The following LSAMP variants were observed in gnomAD, a reference collection of about 807,000 sequenced individuals.
LSAMP encodes the protein limbic system-associated membrane protein.
A neutral mutation model predicts 38.6 loss-of-function variants in LSAMP; 7 were observed. The observed-to-expected ratio is 0.18, with a 90% CI of 0.10 to 0.34. The LOEUF (loss-of-function observed/expected upper bound fraction) is 0.34. Ranked by LOEUF, LSAMP falls within the 10% of genes least tolerant of loss-of-function variation. The probability of loss-of-function intolerance (pLI) is 1.00; values close to 1 mark genes in which losing one functional copy is unlikely to be tolerated. For synonymous variants in LSAMP, 154 were observed against 166.8 expected (o/e 0.92, Z 0.59); for missense variants, 313 against 420.0 (o/e 0.75, Z 2.23).
At chr3:116,252,412 T>C (rs566394111) in intron 1 of LSAMP, among the ~76,000 whole-genome samples, 1 of 152,346 alleles carries the variant, frequency 6.6e-6, no homozygotes, top group South Asian at 2.1e-4. Flanking sequence ...CCAGTCATAA[T>C]AGAATTGGCT....
chr3:115,968,636 G>T (rs758057531), intron 3 of LSAMP, among the ~76,000 whole-genome samples: 1 of 152,174 alleles, frequency 6.6e-6, no homozygotes, highest in Non-Finnish European at 1.5e-5. Context: ...CTCTCCCAGA[G>T]CTGTGAGCTG....
At chr3:116,263,510 C>G (rs2046854807) in intron 1 of LSAMP, among the ~76,000 whole-genome samples, 1 of 150,426 alleles carries the variant, frequency 6.6e-6, no homozygotes, top group Admixed American at 6.6e-5. Flanking sequence ...TGCACTCCAG[C>G]CTGAGTGACA....
At chr3:116,237,440 CA>C (rs1321610139) in intron 1 of LSAMP, among the ~76,000 whole-genome samples, 1 of 152,050 alleles carries the variant, frequency 6.6e-6, no homozygotes, top group East Asian at 1.9e-4. Context: ...AATCAGGAGA[CA>C]AAAAATGAGC....
At chr3:115,838,734 T>G (rs907663946) in intron 6 of LSAMP, among the ~76,000 whole-genome samples, 17 of 152,202 alleles carry the variant, frequency 1.1e-4, no homozygotes, top group African/African-American at 4.1e-4. Flanking sequence ...CAATGTATTC[T>G]TACACCCTCA....
chr3:115,992,490 G>A (rs1453617012), intron 3 of LSAMP, among the ~76,000 whole-genome samples: 1 of 151,956 alleles, frequency 6.6e-6, no homozygotes, highest in African/African-American at 2.4e-5. Context: ...CTATTATCGG[G>A]GTTAAACCAG....
At chr3:116,339,464 G>A (rs1046477949) in intron 1 of LSAMP, among the ~76,000 whole-genome samples, 8 of 151,504 alleles carry the variant, frequency 5.3e-5, no homozygotes, top group Non-Finnish European at 1.0e-4. Context: ...AGCCACTAAT[G>A]AAGTTTTTTT....
At chr3:115,899,751 A>G (rs986158816) in intron 3 of LSAMP, among the ~76,000 whole-genome samples, 1 of 152,170 alleles carries the variant, frequency 6.6e-6, no homozygotes, top group African/African-American at 2.4e-5. Context: ...AACAATCTAG[A>G]TTCTTAAATA....
intron 1 of LSAMP, among the ~76,000 whole-genome samples, chr3:116,339,581 A>C: frequency 6.6e-6 from 1 of 151,920 alleles, no homozygotes; most frequent in East Asian, 1.9e-4. Context: ...ACCTGGACTA[A>C]ACTTAGGGAA....
chr3:116,213,772 G>A (rs745630241), intron 1 of LSAMP, among the ~76,000 whole-genome samples: 1 of 152,182 alleles, frequency 6.6e-6, no homozygotes, highest in Non-Finnish European at 1.5e-5. Context: ...AATGGATCTT[G>A]AGGACACTAT....
At chr3:116,078,277 C>CATTTATTTATTTATTTATTTA (rs149090036) in intron 2 of LSAMP, among the ~76,000 whole-genome samples, 12 of 150,088 alleles carry the variant, frequency 8.0e-5, no homozygotes, top group African/African-American at 2.9e-4. Flanking sequence ...TTTATATCCT[C>CATTTATTTATTTATTTATTTA]TTTATTTATT....
chr3:116,071,907 T>G (rs1222278382), intron 2 of LSAMP, among the ~76,000 whole-genome samples: 1 of 152,000 alleles, frequency 6.6e-6, no homozygotes, highest in Non-Finnish European at 1.5e-5. Context: ...GGTCCATTCA[T>G]ATCCCTGCAA....
intron 2 of LSAMP, among the ~76,000 whole-genome samples, chr3:116,024,381 T>C (rs1940728529): frequency 6.6e-6 from 1 of 152,214 alleles, no homozygotes; most frequent in East Asian, 1.9e-4. Context: ...AGTTTTCATT[T>C]TGAACCAGTA....
chr3:116,249,041 C>T (rs536330146), intron 1 of LSAMP, among the ~76,000 whole-genome samples: 5 of 150,660 alleles, frequency 3.3e-5, no homozygotes, highest in African/African-American at 1.2e-4. Flanking sequence ...CCCAGCTACT[C>T]GGGTGGCTGA....
Position 116,121,992 on chromosome 3 carries a change from T to C in LSAMP, c.156-35436A>G, listed in dbSNP as rs377592704. ...AATATGTCCCAGAGAAGCCAAAAGA[T>C]TGGCCACCCCTGTTCTAGAGTCTGT... On this transcript the variant is annotated intron_variant, in intron 1 of 6. Transcript: ENST00000490035. 5.9e-5 allele frequency among the ~76,000 whole-genome samples: 9 copies of C among 151,784 alleles called. No homozygotes were observed. The East Asian group carries it at 9.7e-4, about 16-fold the overall frequency.
At chr3:116,292,417 A>G (rs1267562024) in intron 1 of LSAMP, among the ~76,000 whole-genome samples, 1 of 152,186 alleles carries the variant, frequency 6.6e-6, no homozygotes, top group South Asian at 2.1e-4. Context: ...GACATTGTAT[A>G]AATGTGTGCT....
intron 1 of LSAMP, among the ~76,000 whole-genome samples, chr3:116,208,911 G>A (rs2046110681): frequency 6.6e-6 from 1 of 152,230 alleles, no homozygotes; most frequent in Non-Finnish European, 1.5e-5. Context: ...GCCTCCTTGA[G>A]CTGTGGTGGG....
intron 1 of LSAMP, among the ~76,000 whole-genome samples, chr3:116,318,176 C>T (rs1171786810): frequency 6.6e-6 from 1 of 151,190 alleles, no homozygotes; most frequent in East Asian, 1.9e-4. Context: ...ACAACGTGCA[C>T]TCTTATCTCT....
chr3:116,251,044 G>T (rs2046675089), intron 1 of LSAMP, among the ~76,000 whole-genome samples: 1 of 152,188 alleles, frequency 6.6e-6, no homozygotes, highest in Admixed American at 6.5e-5. Context: ...CTGTCCATGT[G>T]CCCACCTTGT....
chr3:116,053,776 T>A (rs944069107), intron 2 of LSAMP, among the ~76,000 whole-genome samples: 2 of 152,176 alleles, frequency 1.3e-5, no homozygotes, highest in Admixed American at 1.3e-4. Context: ...GCCATTCAAG[T>A]CTTTTTGCGT....
Sources: gnomAD v4.1 joint callset for allele counts (sites outside exome capture counted in the v4.1 genomes callset) on GRCh38, gnomAD v4.1.1 for gene constraint, MANE v1.5 for transcripts, NCBI Gene and HGNC (gene_info 2026-07-23, HGNC 2026-07-21) for gene names.